GON4L: variants seen among roughly 807,000 people sequenced by gnomAD.
GON4L encodes the protein GON-4-like protein.
A neutral mutation model predicts 211.8 loss-of-function variants in GON4L; 87 were observed. That is an observed-to-expected ratio of 0.41 (90% CI 0.35 to 0.49). The LOEUF is 0.49. GON4L is among the 20% of genes least tolerant of loss of function. GON4L has a pLI of 0.15. For synonymous variants in GON4L, 875 were observed against 962.6 expected (o/e 0.91, Z 1.68); for missense variants, 2,155 against 2,659.5 (o/e 0.81, Z 4.17).
At chr1:155,781,342 C>T (rs1483347860) in intron 14 of GON4L, among the ~76,000 whole-genome samples, 1 of 151,880 alleles carries the variant, frequency 6.6e-6, no homozygotes, top group Admixed American at 6.6e-5. Flanking sequence ...GACAAGGTTT[C>T]GCCATGTTGG....
At chr1:155,748,571 A>G (rs907962370), downstream of GON4L, 71 of 1,613,480 alleles carry the variant, frequency 4.4e-5, no homozygotes, top group Non-Finnish European at 5.8e-5. Flanking sequence ...TGCTGAGAAA[A>G]TGTCCTATAA....
At position 155,853,428 on chromosome 1, in the gene GON4L, A is replaced by G; in HGVS notation, c.353T>C (p.Ile118Thr). Residue 118 changes from isoleucine to threonine, a missense_variant, in exon 2 of 32, where the codon ATT becomes ACT. Transcript: ENST00000368331. ...AGTAGCGTGGAGTTTTCCTTTACCA[A>G]TGTGTATATTAAGGGGGTGAAAAGA... is the stretch of plus-strand genomic sequence containing the variant. ...LESFHPLNIH[I>T]GKGKLHATGS... 1.2e-6 allele frequency: 2 copies of G among 1,614,054 alleles called. No homozygotes were observed. Among genetic ancestry groups the G allele is most frequent in the East Asian group, 2.2e-5 (1 of 44,884 alleles).
At chr1:155,800,548 ACTCT>A (rs113355762) in intron 11 of GON4L, among the ~76,000 whole-genome samples, 2 of 143,674 alleles carry the variant, frequency 1.4e-5, no homozygotes, top group Non-Finnish European at 3.0e-5. Context: ...CAAGAGTGAA[ACTCT>A]CTCAAAAAAA....
intron 10 of GON4L, among the ~76,000 whole-genome samples, chr1:155,809,814 CTT>C (rs10587823): frequency 0.3 from 6,803 of 22,558 alleles, 2,512 homozygotes; most frequent in Non-Finnish European, 0.44. Context: ...AAATTATATA[CTT>C]ATATATAATT....
At chr1:155,761,527 G>A (rs1385841253) in intron 23 of GON4L, among the ~76,000 whole-genome samples, 2 of 140,666 alleles carry the variant, frequency 1.4e-5, no homozygotes. Context: ...ACAGAGTGTC[G>A]CCCTGTCACC....
intron 25 of GON4L, 97 bp downstream of exon 25, chr1:155,757,794 C>T (rs1389194356): frequency 1.3e-5 from 2 of 151,154 alleles, no homozygotes; most frequent in East Asian, 2.8e-4. Flanking sequence ...CATGAGCCTC[C>T]AGAGGCAAAA....
At chr1:155,822,533 G>T in intron 3 of GON4L, 57 bp from the exon 4 acceptor site, 1 of 1,300,258 alleles carries the variant, frequency 7.7e-7, no homozygotes, top group Non-Finnish European at 1.1e-6. Context: ...CAGGAACTTA[G>T]CCCAGAAAGC....
intron 2 of GON4L, among the ~76,000 whole-genome samples, chr1:155,829,968 CCAGA>C (rs1669596394): frequency 2.1e-5 from 3 of 142,972 alleles, no homozygotes; most frequent in Non-Finnish European, 3.1e-5. Context: ...TTTTTTTTTT[CCAGA>C]CAGAGTCTCG....
intron 22 of GON4L, 139 bp from the exon 23 acceptor site, chr1:155,762,513 TGAG>T: frequency 1.4e-6 from 1 of 691,434 alleles, no homozygotes; most frequent in Non-Finnish European, 2.4e-6. Flanking sequence ...GAAAATGGTA[TGAG>T]AACTAAGTCC....
At chr1:155,845,527 C>T in intron 2 of GON4L, 2 of 325,370 alleles carry the variant, frequency 6.1e-6, no homozygotes, top group Non-Finnish European at 6.2e-6. Flanking sequence ...TTGATGTATC[C>T]AGCAGTTTTA....
chr1:155,809,560 T>G (rs1667488081), intron 10 of GON4L, among the ~76,000 whole-genome samples: 1 of 142,952 alleles, frequency 7.0e-6, no homozygotes, highest in South Asian at 2.1e-4. Flanking sequence ...TTATAAATTA[T>G]ATACTTATAT....
chr1:155,802,753 C>T (rs1002011678), intron 11 of GON4L, among the ~76,000 whole-genome samples: 3 of 152,140 alleles, frequency 2.0e-5, no homozygotes, highest in Non-Finnish European at 2.9e-5. Flanking sequence ...CGCAGGAGTT[C>T]GAGACCAGCC....
chr1:155,749,830 A>G lies in GON4L; in HGVS notation c.*754T>C. 1 of 1,517,600 alleles carries G rather than the reference A, an allele frequency of 6.6e-7. No homozygotes were observed. The highest frequency in any genetic ancestry group is 8.9e-7 in the Non-Finnish European group (1 of 1,122,726). 94.0% of individuals were successfully genotyped at this position (1,517,600 alleles called of 1,614,324 possible). A position where few individuals can be genotyped will look rare whatever the true frequency, so the allele number is the denominator to read the frequency against. On this transcript the variant is annotated 3_prime_UTR_variant, in exon 32 of 32. Coordinates refer to ENST00000368331, the MANE Select transcript of GON4L (RefSeq NM_001282860.2). ...ACCAAATTTGTTGAGTTTACAATCAAGTCTACTAAGGTTGGACTTCCTTAT... is the reference window on the plus strand; with the variant it reads ...ACCAAATTTGTTGAGTTTACAATCAGGTCTACTAAGGTTGGACTTCCTTAT...
At chr1:155,834,183 T>C (rs1412949228) in intron 2 of GON4L, among the ~76,000 whole-genome samples, 1 of 152,174 alleles carries the variant, frequency 6.6e-6, no homozygotes, top group Non-Finnish European at 1.5e-5. Context: ...CTCCTGAATC[T>C]ACTCTCCAAG....
chr1:155,745,773 G>T (rs1199850160), downstream of GON4L: 18 of 837,300 alleles, frequency 2.1e-5, 1 homozygote, highest in African/African-American at 3.5e-5. Context: ...AAGCCAATCG[G>T]CTAGGAGCAG....
chr1:155,765,235 T>G lies in GON4L; in HGVS notation c.4238A>C (p.Asn1413Thr), dbSNP rs1287514999. 6.2e-7 allele frequency: 1 copy of G among 1,614,106 alleles called. No homozygotes were observed. Among genetic ancestry groups the G allele is most frequent in the Non-Finnish European group, 8.5e-7 (1 of 1,180,042 alleles). ...GTDVNKGSSK[N>T]ALSSMDPEVR... ...TTCAGGATCCATTGAGGACAAAGCA[T>G]TCTTTGATGATCCTTTGTTCACATC... The change falls in exon 21 of 32, where the codon AAT becomes ACT. Residue 1413 changes from asparagine to threonine, a missense_variant. Asn to Thr is a moderately conservative substitution (Grantham distance 65). Coordinates refer to ENST00000368331, the MANE Select transcript of GON4L (RefSeq NM_001282860.2).
At chr1:155,828,711 G>C (rs1021560415) in intron 2 of GON4L, among the ~76,000 whole-genome samples, 2 of 151,614 alleles carry the variant, frequency 1.3e-5, no homozygotes, top group African/African-American at 4.8e-5. Context: ...AGGATGCTGA[G>C]GTAGGAGAAC....
At chr1:155,820,000 C>T (rs1467443061) in intron 6 of GON4L, among the ~76,000 whole-genome samples, 4 of 152,116 alleles carry the variant, frequency 2.6e-5, no homozygotes, top group Non-Finnish European at 5.9e-5. Context: ...CTGCAACCTC[C>T]GCCCCCGGGT....
At chr1:155,800,426 A>ACATG (rs1168766611) in intron 11 of GON4L, among the ~76,000 whole-genome samples, 2 of 150,816 alleles carry the variant, frequency 1.3e-5, no homozygotes, top group East Asian at 4.0e-4. Context: ...GCATGGTGGC[A>ACATG]CATGCCTGTA....
Sources: allele counts gnomAD v4.1 joint callset (sites outside exome capture counted in the v4.1 genomes callset), GRCh38; gene constraint gnomAD v4.1.1; transcripts MANE v1.5; gene names NCBI Gene and HGNC (gene_info 2026-07-23, HGNC 2026-07-21).